ADCY1: variants seen among roughly 807,000 people sequenced by gnomAD.
ADCY1 encodes adenylate cyclase 1.
In ADCY1, 28 loss-of-function variants were observed where a neutral mutation model predicts 105.4. The observed-to-expected ratio is 0.27, with a 90% CI of 0.20 to 0.36. ADCY1 has a LOEUF of 0.36. Among genes scored for constraint, ADCY1 ranks in the 10% least tolerant of loss-of-function variants. The pLI, the probability that ADCY1 is intolerant of heterozygous loss-of-function variation, is 1.00. For missense variants in ADCY1, 977 were observed against 1,434.2 expected, an observed-to-expected ratio of 0.68 and a Z score of 5.15; for synonymous variants, 655 against 623.8, an observed-to-expected ratio of 1.05 and a Z score of -0.75.
In ADCY1 at chr7:45,686,592, C is replaced by T; in HGVS notation, c.2373C>T (p.Ile791=). Residue 791 remains isoleucine (I), a synonymous_variant, in exon 14 of 20, where the codon ATC becomes ATT. Coordinates refer to ENST00000297323, the MANE Select transcript of ADCY1 (RefSeq NM_021116.4). The surrounding 1 kb of genome is among the most constrained non-coding windows in gnomAD (Gnocchi z 4.3). ...GCAGCTACGAGCCGATTGTGGCCATCCTGCTCTTCTCCTGTGCGCTGGCCC... is the reference window on the plus strand; with the variant it reads ...GCAGCTACGAGCCGATTGTGGCCATTCTGCTCTTCTCCTGTGCGCTGGCCC... ...SGRSYEPIVA[I]LLFSCALALH... The T allele has an allele frequency of 6.2e-7, 1 of 1,613,730 alleles. No homozygotes were observed. The highest frequency in any genetic ancestry group is 2.2e-5 in the East Asian group (1 of 44,866).
intron 19 of ADCY1, among the ~76,000 whole-genome samples, chr7:45,711,634 TATATATATATAC>T (rs1476585257): frequency 0.031 from 725 of 23,422 alleles, 16 homozygotes; most frequent in Middle Eastern, 0.19. Context: ...TATATATATA[TATATATATATAC>T]ACACACACAC....
At chr7:45,677,782 C>G in intron 8 of ADCY1, 87 bp from the exon 9 acceptor site, 3 of 1,413,438 alleles carry the variant, frequency 2.1e-6, no homozygotes, top group Non-Finnish European at 2.9e-6. Context: ...CACCCTGCAG[C>G]GGATCTGGCT....
intron 2 of ADCY1, among the ~76,000 whole-genome samples, chr7:45,604,076 G>A (rs551719411): frequency 6.6e-6 from 1 of 152,260 alleles, no homozygotes; most frequent in Non-Finnish European, 1.5e-5. Flanking sequence ...ATACCTAAAA[G>A]TACAGTTGCT....
chr7:45,586,083 G>C (rs1301974572), intron 1 of ADCY1, among the ~76,000 whole-genome samples: 3 of 152,142 alleles, frequency 2.0e-5, no homozygotes, highest in African/African-American at 7.2e-5. Context: ...TCCCTGCCTT[G>C]TGTTCCTCAC....
intron 14 of ADCY1, among the ~76,000 whole-genome samples, chr7:45,692,434 G>T (rs1407870145): frequency 6.6e-6 from 1 of 152,198 alleles, no homozygotes; most frequent in African/African-American, 2.4e-5. Flanking sequence ...GTACAGTGAA[G>T]GGCGTGCCAT....
intron 1 of ADCY1, among the ~76,000 whole-genome samples, chr7:45,592,056 T>G (rs995371929): frequency 1.3e-5 from 2 of 151,742 alleles, no homozygotes; most frequent in African/African-American, 2.4e-5. Flanking sequence ...GTTTTTTGTT[T>G]TTTTTTTTTT....
chr7:45,619,076 AG>A (rs1417545280), intron 3 of ADCY1, among the ~76,000 whole-genome samples: 3 of 152,192 alleles, frequency 2.0e-5, no homozygotes, highest in Non-Finnish European at 4.4e-5. Flanking sequence ...GGGTGTTCCC[AG>A]GGGATGTTAT....
chr7:45,585,068 G>A (rs1792675598), intron 1 of ADCY1, among the ~76,000 whole-genome samples: 2 of 152,340 alleles, frequency 1.3e-5, no homozygotes, highest in African/African-American at 4.8e-5. Context: ...CATGCTCAGT[G>A]GCAATGCTCC....
chr7:45,659,999 A>G (rs1458287598), intron 6 of ADCY1, 43 bp from the exon 7 acceptor site: 5 of 1,611,870 alleles, frequency 3.1e-6, no homozygotes, highest in South Asian at 1.1e-5. Flanking sequence ...CTCTGACAGC[A>G]GTGGTTCCCC....
chr7:45,641,312 G>T (rs1290458516), intron 4 of ADCY1, among the ~76,000 whole-genome samples: 3 of 152,172 alleles, frequency 2.0e-5, no homozygotes, highest in African/African-American at 7.2e-5. Context: ...ACACTGGAAA[G>T]TCTGTACATC....
At position 45,678,266 on chromosome 7, in the gene ADCY1, G is replaced by A. The variant is rs964830609; in HGVS notation, c.1898+3G>A. 6 of 1,612,032 alleles carry A rather than the reference G, an allele frequency of 3.7e-6. No homozygotes were observed. The highest frequency in any genetic ancestry group is 5.1e-6 in the Non-Finnish European group (6 of 1,178,224). On this transcript the variant is annotated splice_donor_region_variant and intron_variant, in intron 10 of 19. Coordinates refer to ENST00000297323, the MANE Select transcript of ADCY1 (RefSeq NM_021116.4). The stretch of plus-strand genomic sequence containing the variant: ...GTCTACCTTCTAATATTCCCACAGT[G>A]AGTATTTCTATCAACGAGGTGAGGA...
In ADCY1 at chr7:45,635,913, A is replaced by G. The variant is rs532860812; in HGVS notation, c.1021-12757A>G. Among the ~76,000 whole-genome samples the G allele has an allele frequency of 7.9e-5, 12 of 152,094 alleles. 1 individual carries two copies. In the South Asian group the frequency reaches 1.9e-3, roughly 24 times the overall value. On this transcript the variant is annotated intron_variant, in intron 4 of 19. Transcript: ENST00000297323. ...GATTTCCTGGCTACTTGTTCTCTCA[A>G]TTATTGAGAGAGGGGTATTAAAATC...
chr7:45,601,184 C>T (rs1289810596), intron 2 of ADCY1, among the ~76,000 whole-genome samples: 22 of 152,202 alleles, frequency 1.4e-4, no homozygotes, highest in Admixed American at 1.4e-3. Context: ...CGCCCCTGTG[C>T]AGCTGGTGGA....
chr7:45,653,625 A>AGATGAG (rs892604785), intron 5 of ADCY1, among the ~76,000 whole-genome samples: 7 of 152,356 alleles, frequency 4.6e-5, no homozygotes, highest in Non-Finnish European at 8.8e-5. Context: ...TGGTGAAGTC[A>AGATGAG]GATGAGGCCT....
At chr7:45,659,632 C>T (rs1213196569) in intron 6 of ADCY1, among the ~76,000 whole-genome samples, 1 of 152,204 alleles carries the variant, frequency 6.6e-6, no homozygotes, top group Non-Finnish European at 1.5e-5. Flanking sequence ...TGGGGTCTGC[C>T]CACTCCTTGT....
rs1447028624 is a variant in ADCY1 at position 45,710,535 on chromosome 7, T to C, written c.2940T>C (p.Asn980=). Residue 980 remains asparagine, a synonymous_variant, in exon 19 of 20, where the codon AAT becomes AAC. Coordinates refer to ENST00000297323, the MANE Select transcript of ADCY1 (RefSeq NM_021116.4). This position sits in a 1 kb window ranked among gnomAD's most constrained non-coding sequence, Gnocchi z 4.7. The part of the protein sequence containing the change: ...YNDFVLRVGI[N]VGPVVAGVIG... ...GCGCTGGCTGTTTTCTAGGCATCAA[T>C]GTTGGCCCTGTGGTGGCTGGAGTGA... 1 of 1,613,924 alleles carries C rather than the reference T, an allele frequency of 6.2e-7. No individual in the cohort carries two copies. Among genetic ancestry groups the C allele is most frequent in the Admixed American group, 1.7e-5 (1 of 59,984 alleles).
At chr7:45,657,919 G>GC in intron 6 of ADCY1, 34 bp downstream of exon 6, 1 of 1,470,500 alleles carries the variant, frequency 6.8e-7, no homozygotes, top group Non-Finnish European at 9.3e-7. Context: ...GGGGAGGGAG[G>GC]TGGGTGATGG....
At chr7:45,658,271 G>A (rs2116106863) in intron 6 of ADCY1, among the ~76,000 whole-genome samples, 1 of 152,266 alleles carries the variant, frequency 6.6e-6, no homozygotes, top group East Asian at 1.9e-4. Context: ...GAAAGTGCTG[G>A]GACTTTAGAG....
chr7:45,658,005 G>C, intron 6 of ADCY1, 120 bp downstream of exon 6: 1 of 1,185,480 alleles, frequency 8.4e-7, no homozygotes, highest in Non-Finnish European at 1.2e-6. Context: ...AGTGCTCCTG[G>C]AGGAGCCTGC....
Sources: allele counts gnomAD v4.1 joint callset (sites outside exome capture counted in the v4.1 genomes callset), GRCh38; gene constraint gnomAD v4.1.1; non-coding constraint Gnocchi (gnomAD v3.1); transcripts MANE v1.5; gene names NCBI Gene and HGNC (gene_info 2026-07-23, HGNC 2026-07-21).